SNX18: variants seen among roughly 807,000 people sequenced by gnomAD.
SNX18 encodes sorting nexin 18.
SNX18 carries 35 observed loss-of-function variants against 48.7 expected under a neutral mutation model. The observed-to-expected ratio is 0.72, with a 90% confidence interval of 0.55 to 0.95. SNX18 has a LOEUF of 0.95. SNX18 is among the 40% of genes least tolerant of loss of function. The pLI is 0.00. For synonymous variants in SNX18, 492 were observed against 384.7 expected (o/e 1.28, Z -3.26); for missense variants, 824 against 871.0 (o/e 0.95, Z 0.68).
the SNX18 span, among the ~76,000 whole-genome samples, chr5:54,560,308 A>G: frequency 3.3e-5 from 5 of 152,208 alleles, no homozygotes; most frequent in Non-Finnish European, 5.9e-5. Flanking sequence ...AAAAAATGAC[A>G]TCATGTCCTT....
At chr5:54,628,528 C>T in the SNX18 span, among the ~76,000 whole-genome samples, 5 of 152,180 alleles carry the variant, frequency 3.3e-5, no homozygotes, top group African/African-American at 1.2e-4. Flanking sequence ...TCTTCACCCT[C>T]AGAACCTCAC....
chr5:54,558,524 A>G, the SNX18 span, among the ~76,000 whole-genome samples: 2 of 152,164 alleles, frequency 1.3e-5, no homozygotes, highest in Non-Finnish European at 2.9e-5. Flanking sequence ...GCTGGGAAAG[A>G]TCTGTAAGGG....
chr5:54,518,498 G>C lies in SNX18; in HGVS notation c.546G>C (p.Ser182=). 5 of 1,568,464 alleles carry C rather than the reference G, an allele frequency of 3.2e-6. No individual in the cohort carries two copies. The highest frequency in any genetic ancestry group is 4.3e-6 in the Non-Finnish European group (5 of 1,157,218). The change falls in exon 1 of 2, where the codon TCG becomes TCC. Residue 182 remains serine (S), a synonymous_variant. Transcript: ENST00000381410. ...GSGAYPDLDG[S]SSAGVGAAGR... ...GAGCATACCCGGACCTCGACGGCTC[G>C]TCTTCGGCGGGTGTGGGCGCAGCCG...
At chr5:54,646,113 A>C in the SNX18 span, 1 of 81,756 alleles carries the variant, frequency 1.2e-5, no homozygotes, top group African/African-American at 4.7e-5. Context: ...CTGACAAATT[A>C]AGAAATGAGA....
the SNX18 span, among the ~76,000 whole-genome samples, chr5:54,642,153 GAGA>G: frequency 6.6e-6 from 1 of 152,202 alleles, no homozygotes; most frequent in African/African-American, 2.4e-5. Context: ...AAAGGTCTGA[GAGA>G]AGGAGGCTGG....
intron 1 of SNX18, among the ~76,000 whole-genome samples, chr5:54,522,363 A>G (rs1219551834): frequency 6.6e-6 from 1 of 152,232 alleles, no homozygotes; most frequent in East Asian, 1.9e-4. Flanking sequence ...AATATTGGTC[A>G]ACAGAAATGA....
At chr5:54,624,360 A>G in the SNX18 span, among the ~76,000 whole-genome samples, 2 of 152,194 alleles carry the variant, frequency 1.3e-5, no homozygotes, top group African/African-American at 4.8e-5. Flanking sequence ...TTAGCAAGCC[A>G]CAGTCTCCTT....
chr5:54,561,400 G>A, the SNX18 span, among the ~76,000 whole-genome samples: 3 of 151,060 alleles, frequency 2.0e-5, no homozygotes, highest in South Asian at 6.3e-4. Flanking sequence ...CTAGTCTGGG[G>A]TGCAGTGGCT....
the SNX18 span, among the ~76,000 whole-genome samples, chr5:54,557,290 G>C: frequency 2.0e-5 from 3 of 152,228 alleles, no homozygotes; most frequent in Non-Finnish European, 4.4e-5. Flanking sequence ...CAGGGGATTT[G>C]AGAGTTGACT....
intron 1 of SNX18, among the ~76,000 whole-genome samples, chr5:54,542,284 A>G (rs1762486109): frequency 6.6e-6 from 1 of 152,108 alleles, no homozygotes. Context: ...GGAGTGGTCA[A>G]TCCTTCACCC....
At chr5:54,609,216 G>A in the SNX18 span, among the ~76,000 whole-genome samples, 13 of 152,138 alleles carry the variant, frequency 8.5e-5, no homozygotes, top group South Asian at 2.1e-4. Flanking sequence ...TAGTGCCACC[G>A]AGGAGCTGAA....
chr5:54,644,380 G>A, the SNX18 span: 2 of 152,186 alleles, frequency 1.3e-5, no homozygotes, highest in East Asian at 1.9e-4. Flanking sequence ...AGAGTAACTG[G>A]TGTCTCTTCA....
chr5:54,564,589 G>T, the SNX18 span, among the ~76,000 whole-genome samples: 263 of 152,320 alleles, frequency 1.7e-3, 2 homozygotes, highest in East Asian at 0.045. Flanking sequence ...GGGCGCAGTG[G>T]CTCACGCCTG....
chr5:54,608,587 T>C, the SNX18 span, among the ~76,000 whole-genome samples: 1 of 152,172 alleles, frequency 6.6e-6, no homozygotes, highest in Non-Finnish European at 1.5e-5. Context: ...TGACAAGTAC[T>C]TACTGGGATA....
At chr5:54,536,182 T>A (rs1489902961) in intron 1 of SNX18, among the ~76,000 whole-genome samples, 2 of 152,212 alleles carry the variant, frequency 1.3e-5, no homozygotes, top group Non-Finnish European at 2.9e-5. Flanking sequence ...GGGATGTGGT[T>A]GAAATCGATT....
chr5:54,629,565 A>C, the SNX18 span, among the ~76,000 whole-genome samples: 1 of 152,224 alleles, frequency 6.6e-6, no homozygotes, highest in Non-Finnish European at 1.5e-5. Flanking sequence ...GCTTTAAGGC[A>C]GGTCAAGTCT....
the SNX18 span, among the ~76,000 whole-genome samples, chr5:54,632,396 G>C: frequency 6.6e-6 from 1 of 152,192 alleles, no homozygotes. Context: ...ACATTGAGCT[G>C]TTGGCACCAG....
rs1243297708 is a variant in SNX18 at position 54,544,645 on chromosome 5, C to CG, written c.*1213_*1214insG. 4.4e-5 allele frequency: 6 copies of CG among 137,774 alleles called. No homozygotes were observed. Among genetic ancestry groups the CG allele is most frequent in the Non-Finnish European group, 6.2e-5 (4 of 64,568 alleles). The allele number at this position is 137,774 out of a possible 1,614,324, so 8.5% of individuals were successfully genotyped here. On this transcript the variant is annotated 3_prime_UTR_variant, in exon 2 of 2. Transcript: ENST00000381410. ...AAAAGGTATTGATGAGCCCCCCCCC[C>CG]CCAGGACATTTAACCTTAAAATTTA...
the SNX18 span, among the ~76,000 whole-genome samples, chr5:54,567,193 ATGTGTGTATGTG>A: frequency 2.6e-5 from 4 of 151,570 alleles, no homozygotes; most frequent in African/African-American, 9.7e-5. Flanking sequence ...AGAGACATGG[ATGTGTGTATGTG>A]TGTGTGTATG....
Sources: allele counts gnomAD v4.1 joint callset (sites outside exome capture counted in the v4.1 genomes callset), GRCh38; gene constraint gnomAD v4.1.1; transcripts MANE v1.5; gene names NCBI Gene and HGNC (gene_info 2026-07-23, HGNC 2026-07-21).